PGM5: variants seen among roughly 807,000 people sequenced by gnomAD.
PGM5 encodes phosphoglucomutase-like protein 5.
A neutral mutation model predicts 59.2 loss-of-function variants in PGM5; 23 were observed. That is an observed-to-expected ratio of 0.39 (90% CI 0.28 to 0.55). The LOEUF is 0.55. PGM5 is among the 20% of genes least tolerant of loss of function. PGM5 has a pLI of 0.66. For missense variants in PGM5, 574 were observed against 748.3 expected (o/e 0.77, Z 2.72); for synonymous variants, 214 against 286.0 (o/e 0.75, Z 2.54).
rs1554688435 is a variant in PGM5, at chr9:68,499,352, G to A, written c.1605G>A (p.Gln535=). Residue 535 remains glutamine, a synonymous_variant, in exon 10 of 11, where the codon CAG becomes CAA. Transcript: ENST00000396396. ...SYERDPSGHD[Q]EPQAVLSPLI... is the part of the protein sequence containing the mutation. The stretch of plus-strand genomic sequence containing the variant: ...AGAGGGATCCCAGCGGCCATGACCA[G>A]GAGCCACAGGTACAGAAACAGCTGT... 1.9e-6 allele frequency: 3 copies of A among 1,614,004 alleles called. No individual in the cohort carries two copies. The highest frequency in any genetic ancestry group is 2.5e-6 in the Non-Finnish European group (3 of 1,179,984).
intron 9 of PGM5, among the ~76,000 whole-genome samples, chr9:68,492,180 C>T (rs891074235): frequency 4.6e-5 from 7 of 152,036 alleles, no homozygotes; most frequent in Admixed American, 2.6e-4. Flanking sequence ...GAAGCTATGC[C>T]GTTGTCTGGG....
rs75412526 is a variant in PGM5 at position 68,469,360 on chromosome 9, T to TAA, written c.1159+4161_1159+4162dup. On this transcript the variant is annotated intron_variant, in intron 7 of 10. Transcript: ENST00000396396. ...CTTTCACAGAAATAATAGTGTTTTT[T>TAA]AAAAAAAAAATGAGCACTTAGTATG... Among the ~76,000 whole-genome samples, 77 of 151,186 alleles carry TAA rather than the reference T, an allele frequency of 5.1e-4. 1 individual carries two copies. Among genetic ancestry groups the TAA allele is most frequent in the African/African-American group, 1.8e-3 (75 of 41,304 alleles).
intron 10 of PGM5, among the ~76,000 whole-genome samples, chr9:68,526,010 C>T (rs1363297142): frequency 1.3e-5 from 2 of 151,208 alleles, no homozygotes; most frequent in Admixed American, 6.6e-5. Flanking sequence ...GAGCCAAGAT[C>T]GCGCCACTGC....
At position 68,436,761 on chromosome 9, in the gene PGM5, T is replaced by G. The variant is rs549057438; in HGVS notation, c.1044-28332T>G. Among the ~76,000 whole-genome samples, 3 of 152,322 alleles carry G rather than the reference T, an allele frequency of 2.0e-5. No individual in the cohort carries two copies. The South Asian group carries it at 6.2e-4, about 32-fold the overall frequency. On this transcript the variant is annotated intron_variant, in intron 6 of 10. Coordinates refer to ENST00000396396, the MANE Select transcript of PGM5 (RefSeq NM_021965.4). Reference sequence around the variant, plus strand: ...AGGAAAGCTGATTTTTAAAATTCGATATTAACTACATTTTACAGAAGATGA... The same window carrying G: ...AGGAAAGCTGATTTTTAAAATTCGAGATTAACTACATTTTACAGAAGATGA...
intron 10 of PGM5, among the ~76,000 whole-genome samples, chr9:68,522,768 T>C (rs1052265886): frequency 6.6e-6 from 1 of 152,216 alleles, no homozygotes; most frequent in African/African-American, 2.4e-5. Flanking sequence ...ACCTGGAGTA[T>C]GGTTACCACC....
intron 8 of PGM5, 45 bp downstream of exon 8, chr9:68,479,598 C>G (rs782585519): frequency 1.9e-6 from 3 of 1,586,320 alleles, no homozygotes; most frequent in Non-Finnish European, 2.6e-6. Context: ...TGAAGAACTA[C>G]TCCTAGAACA....
chr9:68,438,608 A>C lies in PGM5; in HGVS notation c.1044-26485A>C, dbSNP rs535603844. 9.2e-5 allele frequency among the ~76,000 whole-genome samples: 14 copies of C among 152,354 alleles called. No individual in the cohort carries two copies. The South Asian group carries it at 2.9e-3, about 32-fold the overall frequency. On this transcript the variant is annotated intron_variant, in intron 6 of 10. Transcript: ENST00000396396. ...ATAAAGTCTAGACAAGATGTACGAA[A>C]CAAGCTATTTGAGGACTCTGAAAAA...
At chr9:68,384,863 C>T (rs1822174219) in intron 3 of PGM5, among the ~76,000 whole-genome samples, 1 of 149,662 alleles carries the variant, frequency 6.7e-6, no homozygotes, top group Non-Finnish European at 1.5e-5. Flanking sequence ...GGTGAAGATG[C>T]TGGAATGCCT....
At chr9:68,391,797 A>G in intron 5 of PGM5, 73 bp downstream of exon 5, 1 of 1,462,358 alleles carries the variant, frequency 6.8e-7, no homozygotes, top group Admixed American at 1.8e-5. Flanking sequence ...GCAGAGAATT[A>G]ATGAACACAT....
intron 8 of PGM5, among the ~76,000 whole-genome samples, chr9:68,483,025 A>ATTGTGC (rs1554687247): frequency 6.6e-6 from 1 of 152,148 alleles, no homozygotes; most frequent in Admixed American, 6.5e-5. Flanking sequence ...AGAGTTCTAT[A>ATTGTGC]TTGTGCTCAG....
chr9:68,489,423 ATGTTGT>A (rs10560976), intron 9 of PGM5, among the ~76,000 whole-genome samples: 71 of 148,890 alleles, frequency 4.8e-4, no homozygotes, highest in Middle Eastern at 6.9e-3. Context: ...TCCTAATCCT[ATGTTGT>A]TGTTGTTGTT....
intron 2 of PGM5, among the ~76,000 whole-genome samples, chr9:68,380,062 A>G: frequency 6.6e-6 from 1 of 151,902 alleles, no homozygotes; most frequent in Non-Finnish European, 1.5e-5. Flanking sequence ...CAAAAAATTA[A>G]CAAGACAACA....
intron 6 of PGM5, among the ~76,000 whole-genome samples, chr9:68,394,655 C>G (rs542983664): frequency 4.0e-5 from 6 of 151,576 alleles, no homozygotes; most frequent in African/African-American, 9.7e-5. Flanking sequence ...GGGTCTCACT[C>G]TGTTGCCCAG....
chr9:68,440,800 T>C (rs1465571562), intron 6 of PGM5, among the ~76,000 whole-genome samples: 2 of 151,702 alleles, frequency 1.3e-5, no homozygotes, highest in African/African-American at 4.8e-5. Context: ...AAGGAAGGAA[T>C]GGATAAAGAT....
intron 7 of PGM5, among the ~76,000 whole-genome samples, chr9:68,467,883 T>C (rs550070209): frequency 6.6e-6 from 1 of 152,216 alleles, no homozygotes; most frequent in Admixed American, 6.5e-5. Flanking sequence ...TAATTATTAA[T>C]TTAATTATCA....
At chr9:68,377,637 A>T (rs1821955957) in intron 1 of PGM5, among the ~76,000 whole-genome samples, 1 of 152,196 alleles carries the variant, frequency 6.6e-6, no homozygotes. Context: ...AATTTCTCCA[A>T]TGTCTCCAGC....
At chr9:68,452,178 C>G (rs1045121653) in intron 6 of PGM5, among the ~76,000 whole-genome samples, 4 of 152,206 alleles carry the variant, frequency 2.6e-5, no homozygotes, top group Non-Finnish European at 5.9e-5. Context: ...AGACTGTGCC[C>G]CTGAAGCAGT....
intron 6 of PGM5, among the ~76,000 whole-genome samples, chr9:68,410,651 A>C (rs1280614301): frequency 1.3e-5 from 2 of 152,134 alleles, no homozygotes; most frequent in African/African-American, 4.8e-5. Context: ...CAATAAGAAA[A>C]GTATTTTTCC....
intron 4 of PGM5, among the ~76,000 whole-genome samples, chr9:68,390,538 G>A (rs1822338317): frequency 6.6e-6 from 1 of 152,124 alleles, no homozygotes; most frequent in Non-Finnish European, 1.5e-5. Context: ...AAGAGGAAAT[G>A]TGTGCTGGGC....
Sources: gnomAD v4.1 joint callset for allele counts (sites outside exome capture counted in the v4.1 genomes callset) on GRCh38, gnomAD v4.1.1 for gene constraint, MANE v1.5 for transcripts, NCBI Gene and HGNC (gene_info 2026-07-23, HGNC 2026-07-21) for gene names.